Variants in CHST3 observed in about 807,000 individuals in gnomAD.
The protein encoded by CHST3 is carbohydrate sulfotransferase 3, also known as C6ST-1.
Under a neutral mutation model 35.4 loss-of-function variants are expected in CHST3, and 20 were observed. The observed-to-expected ratio is 0.57, with a 90% CI of 0.40 to 0.82. The LOEUF (loss-of-function observed/expected upper bound fraction) is 0.82. Among genes scored for constraint, CHST3 ranks in the 40% least tolerant of loss-of-function variants. The pLI is 0.00. For synonymous variants in CHST3, 334 were observed against 295.9 expected (o/e 1.13, Z -1.32); for missense variants, 693 against 670.1 (o/e 1.03, Z -0.38).
At chr10:71,995,258 C>A (rs1839928702) in intron 1 of CHST3, among the ~76,000 whole-genome samples, 1 of 151,940 alleles carries the variant, frequency 6.6e-6, no homozygotes, top group African/African-American at 2.4e-5. Flanking sequence ...AACCCCCTCT[C>A]TACTAAAAAT....
intron 1 of CHST3, among the ~76,000 whole-genome samples, chr10:71,999,119 C>T (rs2131764643): frequency 6.6e-6 from 1 of 152,320 alleles, no homozygotes; most frequent in South Asian, 2.1e-4. Flanking sequence ...CTGGACAGGC[C>T]ACCGGATGGA....
Position 71,982,370 on chromosome 10 carries a change from C to T in CHST3, c.-108+17676C>T, listed in dbSNP as rs531136638. ...TGGGAAAGGCAAGGCTGCAGACTCT[C>T]CAGAAGGAACCCAGGCCTTTTGGCA... is the stretch of plus-strand genomic sequence containing the variant. On this transcript the variant is annotated intron_variant, in intron 1 of 2. Coordinates refer to ENST00000373115, the MANE Select transcript of CHST3 (RefSeq NM_004273.5). 1.6e-4 allele frequency among the ~76,000 whole-genome samples: 24 copies of T among 152,320 alleles called. 1 individual carries two copies. The highest frequency in any genetic ancestry group is 3.4e-3 in the Middle Eastern group (1 of 294).
chr10:71,989,241 G>A (rs987315905), intron 1 of CHST3, among the ~76,000 whole-genome samples: 43 of 152,118 alleles, frequency 2.8e-4, no homozygotes, highest in Admixed American at 2.3e-3. Flanking sequence ...CCAGGAGTTC[G>A]AGACAAGCCT....
chr10:72,006,198 G>A (rs1840037513), intron 2 of CHST3, among the ~76,000 whole-genome samples: 2 of 152,112 alleles, frequency 1.3e-5, no homozygotes, highest in Admixed American at 6.6e-5. Context: ...CTGGGTTGGA[G>A]CCCCCCCATG....
At chr10:72,005,321 G>GTA (rs1840028352) in intron 1 of CHST3, among the ~76,000 whole-genome samples, 1 of 151,774 alleles carries the variant, frequency 6.6e-6, no homozygotes. Flanking sequence ...GTGTGTGTGT[G>GTA]TTCTCATGTA....
At chr10:71,966,738 A>G (rs1839635425) in intron 1 of CHST3, among the ~76,000 whole-genome samples, 1 of 152,122 alleles carries the variant, frequency 6.6e-6, no homozygotes, top group Non-Finnish European at 1.5e-5. Context: ...TACATTTTCT[A>G]ATTAAATCAT....
In CHST3 at chr10:72,013,055, G is replaced by A. The variant is rs1189023784; in HGVS notation, c.*4584G>A. ...TCATGGATCAGGTGCTTTGCTGGGG[G>A]GATACAATGACCCATGTGGTCTGCG... is the stretch of plus-strand genomic sequence containing the variant. On this transcript the variant is annotated 3_prime_UTR_variant, in exon 3 of 3. Coordinates refer to ENST00000373115, the MANE Select transcript of CHST3 (RefSeq NM_004273.5). 1 of 152,140 alleles carries A rather than the reference G, an allele frequency of 6.6e-6. No homozygotes were observed. Among genetic ancestry groups the A allele is most frequent in the East Asian group, 1.9e-4 (1 of 5,188 alleles). 9.4% of individuals were successfully genotyped at this position (152,140 alleles called of 1,614,324 possible). A position where few individuals can be genotyped will look rare whatever the true frequency, so the allele number is the denominator to read the frequency against.
chr10:71,964,972 G>T (rs1839614907), intron 1 of CHST3, among the ~76,000 whole-genome samples: 1 of 152,246 alleles, frequency 6.6e-6, no homozygotes, highest in Admixed American at 6.5e-5. Context: ...ACACCGGCCA[G>T]GCACATGCCA....
intron 1 of CHST3, among the ~76,000 whole-genome samples, chr10:71,980,962 A>G (rs1463378549): frequency 6.6e-6 from 1 of 152,232 alleles, no homozygotes; most frequent in East Asian, 1.9e-4. Flanking sequence ...GCCTAGCCCT[A>G]GTTGAATTCC....
At position 72,007,187 on chromosome 10, in the gene CHST3, G is replaced by A. The variant is rs557708912; in HGVS notation, c.156G>A (p.Leu52=). The A allele has an allele frequency of 6.2e-7, 1 of 1,614,172 alleles. No individual in the cohort carries two copies. The highest frequency in any genetic ancestry group is 1.7e-5 in the Admixed American group (1 of 60,026). Residue 52 remains leucine, a synonymous_variant, in exon 3 of 3, where the codon CTG becomes CTA. Transcript: ENST00000373115. ...GTCCTCACAGGGTCTCAGACAAGCT[G>A]AAGCAGATTCCCCAAGCTCTAGCAG... ...NKIISRVSDK[L]KQIPQALADA...
chr10:71,965,422 G>A (rs901982050), intron 1 of CHST3, among the ~76,000 whole-genome samples: 5 of 152,256 alleles, frequency 3.3e-5, no homozygotes, highest in Admixed American at 3.3e-4. Context: ...CAGGGAAGCA[G>A]GGACCCTTCC....
At chr10:71,965,124 G>A (rs1839616854) in intron 1 of CHST3, among the ~76,000 whole-genome samples, 1 of 152,230 alleles carries the variant, frequency 6.6e-6, no homozygotes. Flanking sequence ...AGCGCAGCGG[G>A]CAGGAGAGAG....
intron 1 of CHST3, among the ~76,000 whole-genome samples, chr10:71,992,124 CTAACTGCTGAAGAGTAG>C (rs1431774489): frequency 6.6e-6 from 1 of 152,126 alleles, no homozygotes; most frequent in African/African-American, 2.4e-5. Flanking sequence ...TGGCTGCTGA[CTAACTGCTGAAGAGTAG>C]GGTGGCTATG....
chr10:71,980,791 G>A (rs888781762), intron 1 of CHST3, among the ~76,000 whole-genome samples: 1 of 152,208 alleles, frequency 6.6e-6, no homozygotes, highest in Non-Finnish European at 1.5e-5. Context: ...GATGAGAATT[G>A]CTGATTGCTA....
chr10:71,990,955 G>C (rs938510933), intron 1 of CHST3, among the ~76,000 whole-genome samples: 1 of 152,176 alleles, frequency 6.6e-6, no homozygotes, highest in Admixed American at 6.5e-5. Context: ...CACAGCAAAG[G>C]CTTGTTTTTT....
rs116322442 is a variant in CHST3, at chr10:72,003,094, C to G, written c.-107-2642C>G. On this transcript the variant is annotated intron_variant, in intron 1 of 2. Transcript: ENST00000373115. ...ACCTGTCTCAACCTCAGTTTCCTCA[C>G]CTGTAAAATGGGCTAGTTGCTGCCT... Among the ~76,000 whole-genome samples, 1,340 of 152,292 alleles carry G rather than the reference C, an allele frequency of 8.8e-3. 12 individuals are homozygous for G. The highest frequency in any genetic ancestry group is 0.03 in the African/African-American group (1,244 of 41,560).
chr10:71,981,666 G>A lies in CHST3; in HGVS notation c.-108+16972G>A, dbSNP rs568331879. 4.6e-5 allele frequency among the ~76,000 whole-genome samples: 7 copies of A among 152,368 alleles called. No homozygotes were observed. The East Asian group carries it at 1.2e-3, about 25-fold the overall frequency. On this transcript the variant is annotated intron_variant, in intron 1 of 2. Coordinates refer to ENST00000373115, the MANE Select transcript of CHST3 (RefSeq NM_004273.5). ...AGGGAGAAACGCCCATCCCAGGGCA[G>A]TGTAAGGCCCCAGGAGTGATTCCGT...
In CHST3 at chr10:72,007,592, G is replaced by T; in HGVS notation, c.561G>T (p.Val187=). 1 of 1,609,428 alleles carries T rather than the reference G, an allele frequency of 6.2e-7. No homozygotes were observed. ...GGANAAGSAL[V]YRDVLKQLFL... ...CCAACGCCGCGGGCTCGGCCCTGGTGTACCGCGACGTGCTCAAGCAGCTCT... is the reference window on the plus strand; with the variant it reads ...CCAACGCCGCGGGCTCGGCCCTGGTTTACCGCGACGTGCTCAAGCAGCTCT... The change falls in exon 3 of 3, where the codon GTG becomes GTT. Residue 187 remains valine, a synonymous_variant. Transcript: ENST00000373115.
chr10:71,984,412 C>T (rs545447096), intron 1 of CHST3, among the ~76,000 whole-genome samples: 21 of 152,308 alleles, frequency 1.4e-4, no homozygotes, highest in African/African-American at 4.1e-4. Flanking sequence ...TTGCTTTGTG[C>T]GTTTTGTCTA....
Sources: allele counts gnomAD v4.1 joint callset (sites outside exome capture counted in the v4.1 genomes callset), GRCh38; gene constraint gnomAD v4.1.1; transcripts MANE v1.5; gene names NCBI Gene and HGNC (gene_info 2026-07-23, HGNC 2026-07-21).